The following RBFOX1 variants were observed in gnomAD, a reference collection of about 807,000 sequenced individuals.
RBFOX1 encodes RNA binding protein fox-1 homolog 1.
A neutral mutation model predicts 57.7 loss-of-function variants in RBFOX1; 8 were observed. That is an observed-to-expected ratio of 0.14 (90% CI 0.08 to 0.25). RBFOX1 has a LOEUF of 0.25. Ranked by LOEUF, RBFOX1 falls within the 10% of genes least tolerant of loss-of-function variation. The pLI, the probability that RBFOX1 is intolerant of heterozygous loss-of-function variation, is 1.00. For missense variants in RBFOX1, 611 were observed against 548.5 expected (o/e 1.11, Z -1.14); for synonymous variants, 326 against 222.4 (o/e 1.47, Z -4.15).
chr16:6,311,092 C>G (rs995245384), intron 1 of RBFOX1, among the ~76,000 whole-genome samples: 15 of 151,768 alleles, frequency 9.9e-5, no homozygotes, highest in Admixed American at 9.2e-4. Flanking sequence ...GTCAGGAGTT[C>G]AAGACCAGCC....
Position 7,468,402 on chromosome 16 carries a change from C to G in RBFOX1, c.28-49745C>G, listed in dbSNP as rs147736210. ...TGTGTCAAGCTGTTAGGGAGATAAA[C>G]TCACGCTGCTACTTGCACTCAACAT... is the stretch of plus-strand genomic sequence containing the variant. On this transcript the variant is annotated intron_variant, in intron 4 of 15. Coordinates refer to ENST00000550418, the MANE Select transcript of RBFOX1 (RefSeq NM_018723.4). Among the ~76,000 whole-genome samples, 354 of 151,752 alleles carry G rather than the reference C, an allele frequency of 2.3e-3. 1 individual carries two copies. The highest frequency in any genetic ancestry group is 8.1e-3 in the African/African-American group (335 of 41,380).
chr16:6,477,980 C>G (rs925720740), intron 2 of RBFOX1, among the ~76,000 whole-genome samples: 1 of 152,088 alleles, frequency 6.6e-6, no homozygotes, highest in Non-Finnish European at 1.5e-5. Flanking sequence ...TCCCACCTCT[C>G]TCTGCCTCCA....
chr16:5,759,822 C>T (rs2053532064), intron 3 of RBFOX1, among the ~76,000 whole-genome samples: 1 of 152,086 alleles, frequency 6.6e-6, no homozygotes, highest in African/African-American at 2.4e-5. Context: ...GCAAGCACTT[C>T]TCCCTCACCA....
At chr16:5,558,109 T>C (rs35785829) in intron 2 of RBFOX1, among the ~76,000 whole-genome samples, 70,108 of 151,954 alleles carry the variant, frequency 0.46, 16,496 homozygotes, top group East Asian at 0.6. Flanking sequence ...CACTCAATAA[T>C]ACCTTGTACT....
intron 4 of RBFOX1, among the ~76,000 whole-genome samples, chr16:7,268,462 T>G (rs2095233211): frequency 6.6e-6 from 1 of 152,192 alleles, no homozygotes; most frequent in African/African-American, 2.4e-5. Flanking sequence ...CTGCCCAAAT[T>G]GCTGCTACTC....
At chr16:6,303,140 C>T (rs755943575) in intron 1 of RBFOX1, among the ~76,000 whole-genome samples, 3 of 152,156 alleles carry the variant, frequency 2.0e-5, no homozygotes, top group African/African-American at 7.2e-5. Context: ...CTTGAATTTT[C>T]ATTGTAGTTG....
At chr16:6,699,101 C>G (rs533071287) in intron 3 of RBFOX1, among the ~76,000 whole-genome samples, 17 of 152,184 alleles carry the variant, frequency 1.1e-4, no homozygotes, top group African/African-American at 3.1e-4. Context: ...CAGCATGCAG[C>G]CATCATCAGT....
chr16:7,314,155 C>G (rs1251413309), intron 4 of RBFOX1, among the ~76,000 whole-genome samples: 1 of 152,152 alleles, frequency 6.6e-6, no homozygotes, highest in African/African-American at 2.4e-5. Context: ...GAATCATCAG[C>G]ACTGAGAATG....
chr16:7,343,406 T>A (rs1603625572), intron 4 of RBFOX1, among the ~76,000 whole-genome samples: 1 of 152,090 alleles, frequency 6.6e-6, no homozygotes, highest in East Asian at 1.9e-4. Flanking sequence ...ACCAGAGAGA[T>A]GAGAATCTGA....
chr16:5,454,894 CTTTCTTTCT>C, intron 1 of RBFOX1, among the ~76,000 whole-genome samples: 1 of 84,928 alleles, frequency 1.2e-5, no homozygotes, highest in Admixed American at 1.2e-4. Context: ...TTCTTTCTTT[CTTTCTTTCT>C]TTCTTTCTTT....
chr16:5,646,973 G>T (rs2049074096), intron 3 of RBFOX1, among the ~76,000 whole-genome samples: 1 of 152,184 alleles, frequency 6.6e-6, no homozygotes, highest in East Asian at 1.9e-4. Flanking sequence ...TACCGAGAAA[G>T]GGGAGCGCAG....
intron 15 of RBFOX1, 94 bp downstream of exon 15, chr16:7,709,225 C>T: frequency 8.2e-7 from 1 of 1,225,664 alleles, no homozygotes; most frequent in East Asian, 2.4e-5. Flanking sequence ...CTCTCACTTC[C>T]CGTTAATTGA....
At chr16:7,652,175 G>A (rs1307437411) in intron 11 of RBFOX1, among the ~76,000 whole-genome samples, 4 of 152,134 alleles carry the variant, frequency 2.6e-5, no homozygotes, top group Admixed American at 1.3e-4. Flanking sequence ...AGAGCACTGG[G>A]AGAGTCAGAG....
chr16:6,890,635 C>A (rs1171254669), intron 3 of RBFOX1, among the ~76,000 whole-genome samples: 1 of 152,202 alleles, frequency 6.6e-6, no homozygotes, highest in African/African-American at 2.4e-5. Context: ...GTGTTTGTAA[C>A]AGTCTTTCCT....
At chr16:6,601,311 C>G (rs559520892) in intron 2 of RBFOX1, among the ~76,000 whole-genome samples, 1 of 152,292 alleles carries the variant, frequency 6.6e-6, no homozygotes, top group Non-Finnish European at 1.5e-5. Context: ...TTCTTACACT[C>G]TCCCCTCTCT....
intron 3 of RBFOX1, among the ~76,000 whole-genome samples, chr16:7,035,913 C>G (rs900223868): frequency 6.6e-6 from 1 of 152,098 alleles, no homozygotes. Flanking sequence ...TACAGAGCAA[C>G]AGTCACCACC....
chr16:7,706,026 T>G (rs1419437159), intron 14 of RBFOX1, among the ~76,000 whole-genome samples: 1 of 152,160 alleles, frequency 6.6e-6, no homozygotes, highest in African/African-American at 2.4e-5. Flanking sequence ...CCTGTGGACA[T>G]CCTGGGTATT....
At chr16:6,372,306 G>A (rs1046123167) in intron 2 of RBFOX1, among the ~76,000 whole-genome samples, 1 of 151,966 alleles carries the variant, frequency 6.6e-6, no homozygotes, top group Admixed American at 6.6e-5. Flanking sequence ...AGGATCTTTG[G>A]GTAGGAGGAT....
intron 4 of RBFOX1, among the ~76,000 whole-genome samples, chr16:6,001,735 A>G (rs748377506): frequency 1.3e-5 from 2 of 152,194 alleles, no homozygotes; most frequent in African/African-American, 2.4e-5. Context: ...CAAGAAAAAT[A>G]TCAACTCTAT....
Sources: allele counts gnomAD v4.1 joint callset (sites outside exome capture counted in the v4.1 genomes callset), GRCh38; gene constraint gnomAD v4.1.1; transcripts MANE v1.5; gene names NCBI Gene and HGNC (gene_info 2026-07-23, HGNC 2026-07-21).